QTGAL: variants seen among roughly 807,000 people sequenced by gnomAD.
QTGAL encodes the protein BGnT-like protein 1.
At chr17:82,984,589 GTC>G in the QTGAL span, among the ~76,000 whole-genome samples, 45 of 74,884 alleles carry the variant, frequency 6.0e-4, no homozygotes, top group East Asian at 8.4e-4. Context: ...AGGCTACAGG[GTC>G]GTGCAGGGAA....
chr17:82,976,841 GAACTCCATCCTCCCA>G, the QTGAL span, among the ~76,000 whole-genome samples: 1 of 22,388 alleles, frequency 4.5e-5, no homozygotes, highest in Non-Finnish European at 7.1e-5. Flanking sequence ...GGACAGAGCC[GAACTCCATCCTCCCA>G]GGGACCAGAG....
chr17:83,001,989 C>T, the QTGAL span, among the ~76,000 whole-genome samples: 1 of 151,628 alleles, frequency 6.6e-6, no homozygotes, highest in Non-Finnish European at 1.5e-5. Flanking sequence ...CTTAAATCCC[C>T]AGGCTCAAGT....
the QTGAL span, among the ~76,000 whole-genome samples, chr17:82,988,096 G>A: frequency 6.6e-5 from 10 of 152,162 alleles, no homozygotes; most frequent in Admixed American, 6.6e-5. Context: ...GTATAGGAAT[G>A]CTTGTGATTT....
At chr17:82,947,299 G>T in the QTGAL span, 46 of 367,672 alleles carry the variant, frequency 1.3e-4, no homozygotes, top group South Asian at 5.7e-4. Flanking sequence ...TGCCTCTGCT[G>T]TTTGACCAGG....
chr17:82,949,866 A>G, the QTGAL span: 3 of 152,326 alleles, frequency 2.0e-5, no homozygotes, highest in South Asian at 6.2e-4. Flanking sequence ...AATGGATGAA[A>G]TTAGGCTAGA....
the QTGAL span, among the ~76,000 whole-genome samples, chr17:83,009,927 G>A: frequency 8.9e-6 from 1 of 112,842 alleles, no homozygotes; most frequent in African/African-American, 2.6e-5. Context: ...ACGACTTGCC[G>A]TCCACTGCTG....
At chr17:83,007,738 C>T in the QTGAL span, among the ~76,000 whole-genome samples, 1 of 152,204 alleles carries the variant, frequency 6.6e-6, no homozygotes, top group African/African-American at 2.4e-5. Flanking sequence ...AAAGGTAAAG[C>T]CACACCGGGT....
chr17:83,005,228 A>G, the QTGAL span: 25 of 1,592,118 alleles, frequency 1.6e-5, no homozygotes, highest in Non-Finnish European at 2.0e-5. This position sits in a 1 kb window ranked among gnomAD's most constrained non-coding sequence, Gnocchi z 5.6. Flanking sequence ...AAACAACGGC[A>G]GACAGAGCTC....
chr17:82,966,697 G>C, the QTGAL span, among the ~76,000 whole-genome samples: 2 of 152,116 alleles, frequency 1.3e-5, no homozygotes, highest in African/African-American at 2.4e-5. Flanking sequence ...GCCTCAGACC[G>C]GACCTCAGTG....
the QTGAL span, among the ~76,000 whole-genome samples, chr17:83,012,013 A>G: frequency 1.8e-5 from 2 of 112,302 alleles, no homozygotes; most frequent in African/African-American, 3.6e-5. Context: ...TAAGTCTCCC[A>G]GCTCGTTTGA....
chr17:82,997,968 T>C, the QTGAL span, among the ~76,000 whole-genome samples: 2 of 149,174 alleles, frequency 1.3e-5, no homozygotes, highest in African/African-American at 2.4e-5. Flanking sequence ...TCTAGATCTA[T>C]CTATCTATCT....
chr17:83,035,038 A>T, the QTGAL span: 2 of 1,605,270 alleles, frequency 1.2e-6, no homozygotes, highest in South Asian at 2.2e-5. Context: ...TACTTACCGA[A>T]TCCAAAAAGC....
At chr17:82,980,778 A>G in the QTGAL span, among the ~76,000 whole-genome samples, 1 of 152,128 alleles carries the variant, frequency 6.6e-6, no homozygotes, top group Non-Finnish European at 1.5e-5. Flanking sequence ...CCTTTGGGTT[A>G]CTGTACGAGT....
At chr17:82,969,959 T>C in the QTGAL span, among the ~76,000 whole-genome samples, 132,640 of 152,106 alleles carry the variant, frequency 0.87, 58,191 homozygotes, top group African/African-American at 0.96. Flanking sequence ...GGACTCTGGG[T>C]GTGAGTCACC....
the QTGAL span, among the ~76,000 whole-genome samples, chr17:82,984,780 C>T: frequency 6.6e-6 from 1 of 152,130 alleles, no homozygotes. Context: ...CAGGGATCCC[C>T]CCAGGAGACG....
the QTGAL span, among the ~76,000 whole-genome samples, chr17:82,972,699 CAG>C: frequency 1.6e-5 from 2 of 128,162 alleles, no homozygotes; most frequent in African/African-American, 7.2e-5. Context: ...CACCACACCA[CAG>C]GGGCCAGAAG....
chr17:82,971,229 A>G, the QTGAL span, among the ~76,000 whole-genome samples: 3 of 152,206 alleles, frequency 2.0e-5, no homozygotes, highest in Non-Finnish European at 4.4e-5. Context: ...AGAATTACGC[A>G]TCTGTCTGCA....
the QTGAL span, among the ~76,000 whole-genome samples, chr17:82,988,247 G>T: frequency 6.6e-6 from 1 of 152,214 alleles, no homozygotes; most frequent in Non-Finnish European, 1.5e-5. Flanking sequence ...ACAAAAACAA[G>T]TAATGGGGAA....
At chr17:83,010,115 G>T in the QTGAL span, among the ~76,000 whole-genome samples, 1 of 150,594 alleles carries the variant, frequency 6.6e-6, no homozygotes. Flanking sequence ...GGGGGGCTGC[G>T]GGGGCCCCTG....
Sources: allele counts gnomAD v4.1 joint callset (sites outside exome capture counted in the v4.1 genomes callset), GRCh38; gene constraint gnomAD v4.1.1; non-coding constraint Gnocchi (gnomAD v3.1); transcripts MANE v1.5; gene names NCBI Gene and HGNC (gene_info 2026-07-23, HGNC 2026-07-21).